VTI1A: variants seen among roughly 807,000 people sequenced by gnomAD.
The protein encoded by VTI1A is vesicle transport through interaction with t-SNAREs homolog 1A.
Under a neutral mutation model 34.9 loss-of-function variants are expected in VTI1A, and 22 were observed. The ratio of observed to expected loss-of-function variants is 0.63; its 90% CI spans 0.45 to 0.90. The LOEUF (loss-of-function observed/expected upper bound fraction) is 0.90, where lower values mean the gene tolerates loss of function less well. VTI1A is among the 40% of genes least tolerant of loss of function. The probability of loss-of-function intolerance (pLI) is 0.00; values close to 1 mark genes in which losing one functional copy is unlikely to be tolerated. For synonymous variants in VTI1A, 87 were observed against 97.3 expected (o/e 0.89, Z 0.62); for missense variants, 268 against 275.6 (o/e 0.97, Z 0.20).
intron 5 of VTI1A, among the ~76,000 whole-genome samples, chr10:112,579,947 A>C (rs1373271042): frequency 6.6e-6 from 1 of 152,174 alleles, no homozygotes; most frequent in African/African-American, 2.4e-5. Context: ...AGGAACAGAA[A>C]AGTTTGAGTA....
At chr10:112,738,365 A>G (rs1165086661) in intron 7 of VTI1A, among the ~76,000 whole-genome samples, 3 of 152,120 alleles carry the variant, frequency 2.0e-5, no homozygotes, top group African/African-American at 4.8e-5. Context: ...ACTCTCCTCT[A>G]TAACGCATTT....
intron 5 of VTI1A, among the ~76,000 whole-genome samples, chr10:112,599,392 A>C (rs1402177559): frequency 6.6e-6 from 1 of 152,172 alleles, no homozygotes; most frequent in Non-Finnish European, 1.5e-5. Flanking sequence ...CCAGGGCTTA[A>C]GGAAGATACT....
At chr10:112,464,424 A>T (rs937213927) in intron 2 of VTI1A, 123 bp from the exon 3 acceptor site, 1 of 769,918 alleles carries the variant, frequency 1.3e-6, no homozygotes, top group Non-Finnish European at 2.1e-6. Context: ...ATCATTCAGC[A>T]CCCTGAACCT....
chr10:112,763,299 G>A (rs1030761462), intron 7 of VTI1A, among the ~76,000 whole-genome samples: 1 of 152,070 alleles, frequency 6.6e-6, no homozygotes, highest in Non-Finnish European at 1.5e-5. Context: ...AATTAGCCGG[G>A]CATGGTGGCA....
chr10:112,565,636 T>A (rs995123604), intron 5 of VTI1A, among the ~76,000 whole-genome samples: 1 of 152,236 alleles, frequency 6.6e-6, no homozygotes, highest in Non-Finnish European at 1.5e-5. Context: ...ATTATACTTT[T>A]CTACACATAG....
chr10:112,791,361 C>G (rs1395339309), intron 7 of VTI1A, among the ~76,000 whole-genome samples: 3 of 152,134 alleles, frequency 2.0e-5, no homozygotes, highest in Non-Finnish European at 4.4e-5. Flanking sequence ...GAAAGACACG[C>G]TCAGCAAAAG....
At chr10:112,467,235 C>T (rs1307260894) in intron 3 of VTI1A, among the ~76,000 whole-genome samples, 3 of 151,864 alleles carry the variant, frequency 2.0e-5, no homozygotes, top group African/African-American at 7.3e-5. Flanking sequence ...TCAAAGAGTA[C>T]AATACTGGGC....
At chr10:112,664,156 A>C (rs575073318) in intron 5 of VTI1A, among the ~76,000 whole-genome samples, 5 of 152,202 alleles carry the variant, frequency 3.3e-5, no homozygotes, top group Non-Finnish European at 7.3e-5. Flanking sequence ...AAGAAAAATA[A>C]ATATAGGTGT....
chr10:112,714,625 T>C (rs1849540619), intron 7 of VTI1A, among the ~76,000 whole-genome samples: 1 of 152,236 alleles, frequency 6.6e-6, no homozygotes, highest in Non-Finnish European at 1.5e-5. Context: ...GTGATTTTAC[T>C]GATATGGTTG....
chr10:112,816,473 C>T lies in VTI1A; in HGVS notation c.*1090C>T. ...AGGAATGGCTTGGGTTTTTAACTAACAAATGTTAGCAAGCCTTTCTTGAAT... is the reference window on the plus strand; with the variant it reads ...AGGAATGGCTTGGGTTTTTAACTAATAAATGTTAGCAAGCCTTTCTTGAAT... On this transcript the variant is annotated 3_prime_UTR_variant, in exon 8 of 8. Transcript: ENST00000393077. 4.5e-6 allele frequency: 1 copy of T among 223,898 alleles called. No individual in the cohort carries two copies. Among genetic ancestry groups the T allele is most frequent in the Non-Finnish European group, 8.9e-6 (1 of 112,240 alleles). 13.9% of individuals were successfully genotyped at this position (223,898 alleles called of 1,614,324 possible).
chr10:112,855,345 C>G, the VTI1A span, among the ~76,000 whole-genome samples: 2 of 152,114 alleles, frequency 1.3e-5, no homozygotes, highest in East Asian at 1.9e-4. Flanking sequence ...AATTGGCTTT[C>G]CATTAAAGAG....
intron 5 of VTI1A, among the ~76,000 whole-genome samples, chr10:112,623,961 A>T (rs1845825938): frequency 6.6e-6 from 1 of 152,192 alleles, no homozygotes; most frequent in Non-Finnish European, 1.5e-5. Flanking sequence ...GTAGCAGCAG[A>T]TCTATTTGCA....
rs140593965 is a variant in VTI1A, at chr10:112,608,817, T to C, written c.428-59401T>C. Among the ~76,000 whole-genome samples, 523 of 152,254 alleles carry C rather than the reference T, an allele frequency of 3.4e-3. 5 individuals carry two copies. The highest frequency in any genetic ancestry group is 0.012 in the African/African-American group (490 of 41,538). The stretch of plus-strand genomic sequence containing the variant: ...TCAGGAAAATAACATCTTCAACATC[T>C]CTTGTTTCTTATTCTACTCTTTCCA... On this transcript the variant is annotated intron_variant, in intron 5 of 7. Transcript: ENST00000393077.
rs1022906 is a variant in VTI1A at position 112,633,908 on chromosome 10, C to T, written c.428-34310C>T. The stretch of plus-strand genomic sequence containing the variant: ...CCAGAAAATACCATCAGTTAACAAA[C>T]GGAAAAAAGGAAAAAGGATCACAGT... On this transcript the variant is annotated intron_variant, in intron 5 of 7. Coordinates refer to ENST00000393077, the MANE Select transcript of VTI1A (RefSeq NM_145206.4). Among the ~76,000 whole-genome samples the T allele has an allele frequency of 1.1e-4, 16 of 151,092 alleles. No individual in the cohort carries two copies. The East Asian group carries it at 2.0e-3, about 18-fold the overall frequency.
intron 5 of VTI1A, among the ~76,000 whole-genome samples, chr10:112,607,477 C>G (rs1845129168): frequency 6.6e-6 from 1 of 152,160 alleles, no homozygotes; most frequent in Non-Finnish European, 1.5e-5. Context: ...CTGACTTTGT[C>G]TTATTCATCA....
intron 5 of VTI1A, among the ~76,000 whole-genome samples, chr10:112,621,535 T>C (rs1210735568): frequency 6.6e-6 from 1 of 152,176 alleles, no homozygotes; most frequent in Non-Finnish European, 1.5e-5. Flanking sequence ...GTTAAGTGAC[T>C]CTTCCAAGTT....
intron 7 of VTI1A, among the ~76,000 whole-genome samples, chr10:112,799,928 GAGAGAGAGAGAGAGAGAGTTCTGATGTT>G (rs913424242): frequency 1.3e-5 from 2 of 151,204 alleles, no homozygotes; most frequent in East Asian, 1.9e-4. Context: ...GGAGCCCAGA[GAGAGAGAGAGAGAGAGAGTTCTGATGTT>G]AGAGAGAGAG....
At chr10:112,523,585 T>G (rs1269487475) in intron 3 of VTI1A, among the ~76,000 whole-genome samples, 1 of 152,026 alleles carries the variant, frequency 6.6e-6, no homozygotes, top group Admixed American at 6.6e-5. Context: ...TGTGTGTGTG[T>G]GGGTGGCGGG....
intron 1 of VTI1A, among the ~76,000 whole-genome samples, chr10:112,453,030 A>AT (rs1847298164): frequency 6.6e-6 from 1 of 152,246 alleles, no homozygotes; most frequent in South Asian, 2.1e-4. Context: ...GTACTCATGG[A>AT]TTTTTAGGCC....
Sources: allele counts gnomAD v4.1 joint callset (sites outside exome capture counted in the v4.1 genomes callset), GRCh38; gene constraint gnomAD v4.1.1; transcripts MANE v1.5; gene names NCBI Gene and HGNC (gene_info 2026-07-23, HGNC 2026-07-21).